The following H2BC18 variants were observed in gnomAD, a reference collection of about 807,000 sequenced individuals.
H2BC18 encodes histone H2B type 2-F.
H2BC18 carries 8 observed loss-of-function variants against 6.3 expected under a neutral mutation model. The observed-to-expected ratio is 1.28, with a 90% CI of 0.75 to 2.31. H2BC18 has a LOEUF of 2.31. H2BC18 is among the 30% of genes most tolerant of loss of function. The pLI is 0.00. For missense variants in H2BC18, 106 were observed against 174.5 expected (o/e 0.61, Z 2.21); for synonymous variants, 104 against 78.1 (o/e 1.33, Z -1.75).
chr1:149,807,049 T>G (rs1405342237), downstream of H2BC18, among the ~76,000 whole-genome samples: 2 of 152,068 alleles, frequency 1.3e-5, no homozygotes, highest in Non-Finnish European at 2.9e-5. Flanking sequence ...GGAGGCCATT[T>G]AAAATGCCAT....
chr1:149,807,821 A>AAGAGAGAGAGAG (rs587706663), downstream of H2BC18, among the ~76,000 whole-genome samples: 160 of 133,242 alleles, frequency 1.2e-3, 1 homozygote, highest in African/African-American at 4.7e-3. Context: ...AGAAGAAAGA[A>AAGAGAGAGAGAG]AGAGAGAGAG....
Position 149,812,319 on chromosome 1 carries a change from G to C in H2BC18, c.5C>G (p.Pro2Arg). The change falls in exon 1 of 1, where the codon CCG (proline) becomes CGG (arginine). Residue 2 changes from proline (P) to arginine (R), a missense_variant. By Grantham distance (103) the Pro-to-Arg change is moderately radical. This residue lies in a region of H2BC18 where 70 missense variants were observed against 64.6 expected (regional missense o/e 1.08). Transcript: ENST00000369167. ...AGCAGGAGCGGATTTCGCTGGATCC[G>C]GCATTTTTGCGCGAAAAAAGAGAAA... M[P>R]DPAKSAPAPK... is the part of the protein sequence containing the mutation. 1.2e-6 allele frequency: 2 copies of C among 1,614,120 alleles called. No homozygotes were observed. The highest frequency in any genetic ancestry group is 1.7e-6 in the Non-Finnish European group (2 of 1,180,016).
At chr1:149,807,516 G>T (rs868972723), downstream of H2BC18, among the ~76,000 whole-genome samples, 1 of 72,188 alleles carries the variant, frequency 1.4e-5, no homozygotes, top group African/African-American at 5.9e-5. Context: ...CATGGCGGGG[G>T]GGGGGGGGGG....
Position 149,793,267 on chromosome 1 carries a change from G to A in H2BC18, c.378-10007C>T, listed in dbSNP as rs1158167113. On this transcript the variant is annotated intron_variant, in intron 1 of 1. Transcript: ENST00000545683. ...GCGGCGGCAGGGAGGGAGCGGGTGGGGAGTGGGAGAGGCCGCCCGCCTCCC... is the reference window on the plus strand; with the variant it reads ...GCGGCGGCAGGGAGGGAGCGGGTGGAGAGTGGGAGAGGCCGCCCGCCTCCC... 8.9e-6 allele frequency: 11 copies of A among 1,230,290 alleles called. No homozygotes were observed. In the East Asian group the frequency reaches 6.0e-4, roughly 67 times the overall value. The allele number at this position is 1,230,290 out of a possible 1,614,324, so 76.2% of individuals were successfully genotyped here.
chr1:149,811,319 C>T (rs1339197813), downstream of H2BC18: 1 of 159,218 alleles, frequency 6.3e-6, no homozygotes, highest in Non-Finnish European at 1.4e-5. Context: ...CCAAATACTC[C>T]ACAGGGGGTG....
At chr1:149,807,097 A>G (rs1168604302), downstream of H2BC18, among the ~76,000 whole-genome samples, 1 of 152,166 alleles carries the variant, frequency 6.6e-6, no homozygotes, top group Non-Finnish European at 1.5e-5. Flanking sequence ...TGGAGCAGGG[A>G]AACAGTGGTG....
chr1:149,799,947 T>A (rs2091847645), intron 1 of H2BC18, among the ~76,000 whole-genome samples: 1 of 152,004 alleles, frequency 6.6e-6, no homozygotes, highest in African/African-American at 2.4e-5. Context: ...GTACTCCAAT[T>A]CAATTTTTAC....
At chr1:149,802,869 C>A (rs1353443820) in intron 1 of H2BC18, among the ~76,000 whole-genome samples, 3 of 152,204 alleles carry the variant, frequency 2.0e-5, no homozygotes, top group Non-Finnish European at 4.4e-5. Flanking sequence ...AAAGCCAGAA[C>A]TCTGCAAGCC....
At chr1:149,786,117 A>C (rs1571386646) in intron 1 of H2BC18, 2 of 152,228 alleles carry the variant, frequency 1.3e-5, no homozygotes, top group East Asian at 3.9e-4. Flanking sequence ...ACCATTACTA[A>C]TGTTTGACAG....
intron 1 of H2BC18, among the ~76,000 whole-genome samples, chr1:149,798,942 T>C (rs1434776229): frequency 6.7e-6 from 1 of 149,986 alleles, no homozygotes; most frequent in Non-Finnish European, 1.5e-5. Flanking sequence ...AGTAATAATA[T>C]CTATATCCTA....
intron 1 of H2BC18, among the ~76,000 whole-genome samples, chr1:149,796,196 CA>C (rs2091798398): frequency 6.6e-6 from 1 of 152,080 alleles, no homozygotes; most frequent in African/African-American, 2.4e-5. Context: ...CTCCCTATCA[CA>C]CATGTATACT....
intron 1 of H2BC18, chr1:149,788,555 A>G (rs782351424): frequency 5.0e-6 from 8 of 1,613,960 alleles, no homozygotes; most frequent in Non-Finnish European, 6.8e-6. Flanking sequence ...AATGGCACCT[A>G]CCATTGCTCA....
At chr1:149,805,801 A>G (rs1368001074) in intron 1 of H2BC18, among the ~76,000 whole-genome samples, 2 of 152,030 alleles carry the variant, frequency 1.3e-5, no homozygotes, top group Admixed American at 6.5e-5. Context: ...AGGAGGTAGG[A>G]GGGGAGACAA....
At chr1:149,792,846 A>T in intron 1 of H2BC18, 21 of 1,271,416 alleles carry the variant, frequency 1.7e-5, no homozygotes, top group Non-Finnish European at 2.0e-5. Context: ...GAAGAGAGCA[A>T]GGGGTCGCCG....
chr1:149,804,305 T>C (rs2091898664), intron 1 of H2BC18, among the ~76,000 whole-genome samples: 1 of 152,170 alleles, frequency 6.6e-6, no homozygotes, highest in South Asian at 2.1e-4. Flanking sequence ...CCAAATGTTA[T>C]ATCGGCCTTT....
chr1:149,797,102 G>A (rs2791047), intron 1 of H2BC18, among the ~76,000 whole-genome samples: 2 of 152,112 alleles, frequency 1.3e-5, no homozygotes, highest in African/African-American at 2.4e-5. Context: ...TAGTAGAGAC[G>A]AGGTTTCACC....
At chr1:149,791,152 G>A in intron 1 of H2BC18, 1 of 1,602,648 alleles carries the variant, frequency 6.2e-7, no homozygotes, top group Non-Finnish European at 8.5e-7. Context: ...TCAGGTCTCA[G>A]CCAACCTTCC....
At chr1:149,794,084 C>G (rs1370432541) in intron 1 of H2BC18, 9 of 519,832 alleles carry the variant, frequency 1.7e-5, no homozygotes, top group Non-Finnish European at 2.8e-5. Context: ...ACAGATTCCT[C>G]GGGCTGTAGA....
intron 1 of H2BC18, among the ~76,000 whole-genome samples, chr1:149,797,848 G>C (rs1401695117): frequency 6.6e-6 from 1 of 152,134 alleles, no homozygotes; most frequent in Admixed American, 6.5e-5. Flanking sequence ...GGGAGGCCAA[G>C]GCGATCTGCC....
Sources: allele counts gnomAD v4.1 joint callset (sites outside exome capture counted in the v4.1 genomes callset), GRCh38; gene constraint gnomAD v4.1.1; regional missense constraint gnomAD v4.1.1; transcripts MANE v1.5; gene names NCBI Gene and HGNC (gene_info 2026-07-23, HGNC 2026-07-21).